Variants in ANKRD26 observed in about 807,000 individuals in gnomAD.
The protein encoded by ANKRD26 is ankyrin repeat domain-containing protein 26.
ANKRD26 carries 141 observed loss-of-function variants against 208.7 expected under a neutral mutation model. The observed-to-expected ratio is 0.68, with a 90% confidence interval of 0.59 to 0.78. The LOEUF (loss-of-function observed/expected upper bound fraction) is 0.78. Ranked by LOEUF, ANKRD26 falls within the 30% of genes least tolerant of loss-of-function variation. The pLI is 0.00. For synonymous variants in ANKRD26, 636 were observed against 660.4 expected, an observed-to-expected ratio of 0.96 and a Z score of 0.57; for missense variants, 1,889 against 1,938.7, an observed-to-expected ratio of 0.97 and a Z score of 0.48.
intron 16 of ANKRD26, chr10:27,051,176 T>G: frequency 7.8e-7 from 1 of 1,290,074 alleles, no homozygotes; most frequent in Non-Finnish European, 1.0e-6. Context: ...GAGATACTTT[T>G]GATGTTCTGT....
intron 9 of ANKRD26, among the ~76,000 whole-genome samples, chr10:27,068,087 T>C (rs1175706053): frequency 1.3e-5 from 2 of 152,180 alleles, no homozygotes; most frequent in African/African-American, 2.4e-5. Context: ...TACTATGAGG[T>C]AGACCCAGTG....
downstream of ANKRD26, among the ~76,000 whole-genome samples, chr10:26,989,381 T>A (rs1043173905): frequency 7.9e-5 from 12 of 152,240 alleles, no homozygotes; most frequent in African/African-American, 2.2e-4. Flanking sequence ...CAAGACTTTT[T>A]AAAATTTGTT....
chr10:26,972,556 A>ATTTGTTC (rs2052165176), downstream of ANKRD26, among the ~76,000 whole-genome samples: 1 of 140,678 alleles, frequency 7.1e-6, no homozygotes, highest in African/African-American at 2.6e-5. Flanking sequence ...ATAACCAACC[A>ATTTGTTC]TTTGTTCTTT....
At chr10:27,042,018 C>T (rs1364990266) in intron 20 of ANKRD26, among the ~76,000 whole-genome samples, 1 of 151,688 alleles carries the variant, frequency 6.6e-6, no homozygotes, top group East Asian at 1.9e-4. Flanking sequence ...CCTAAAGCAA[C>T]CACTAAGATA....
At chr10:26,958,980 T>C in the ANKRD26 span, among the ~76,000 whole-genome samples, 2 of 152,190 alleles carry the variant, frequency 1.3e-5, no homozygotes, top group Admixed American at 6.5e-5. Flanking sequence ...GAGTGTTTAG[T>C]AATAGGCATT....
chr10:27,003,612 A>G (rs1369329419), downstream of ANKRD26, among the ~76,000 whole-genome samples: 1 of 152,158 alleles, frequency 6.6e-6, no homozygotes, highest in Non-Finnish European at 1.5e-5. Flanking sequence ...CAACAAATCA[A>G]ATAATCAAAG....
At chr10:26,992,469 TACACACACACACACAC>T (rs61459601) in intron 5 of ANKRD26, among the ~76,000 whole-genome samples, 43 of 136,392 alleles carry the variant, frequency 3.2e-4, no homozygotes, top group African/African-American at 1.0e-3. Flanking sequence ...TACACACACG[TACACACACACACACAC>T]ACACACACAC....
chr10:27,042,151 C>T (rs1171610946), intron 20 of ANKRD26, among the ~76,000 whole-genome samples: 2 of 151,980 alleles, frequency 1.3e-5, no homozygotes, highest in African/African-American at 4.8e-5. Context: ...ACCACATGTA[C>T]GCAGCCAACA....
chr10:26,993,890 G>A (rs1342849979), intron 5 of ANKRD26, among the ~76,000 whole-genome samples: 1 of 152,150 alleles, frequency 6.6e-6, no homozygotes, highest in Non-Finnish European at 1.5e-5. Flanking sequence ...GTAGAAACAG[G>A]TTTGTTTCAT....
At chr10:27,086,449 A>G in intron 5 of ANKRD26, 90 bp downstream of exon 5, 1 of 1,529,364 alleles carries the variant, frequency 6.5e-7, no homozygotes, top group Non-Finnish European at 8.9e-7. Flanking sequence ...CTGATTTTTA[A>G]AACTGCTTTT....
the ANKRD26 span, among the ~76,000 whole-genome samples, chr10:26,958,909 T>C: frequency 6.6e-6 from 1 of 152,200 alleles, no homozygotes; most frequent in Non-Finnish European, 1.5e-5. Context: ...ATAGTTGAAG[T>C]ATTGACACTT....
Position 27,029,478 on chromosome 10 carries a change from T to C in ANKRD26, c.3808-122A>G, listed in dbSNP as rs1474000153. 5 of 911,808 alleles carry C rather than the reference T, an allele frequency of 5.5e-6. No individual in the cohort carries two copies. In the South Asian group the frequency reaches 5.7e-5, roughly 10 times the overall value. 56.5% of individuals were successfully genotyped at this position (911,808 alleles called of 1,614,324 possible). ...ATACCCCTTCAATATGCATATTGTT[T>C]ATGGCTACTTTTGTGCTGTGACTGT... is the stretch of plus-strand genomic sequence containing the variant. On this transcript the variant is annotated intron_variant, in intron 25 of 33. Coordinates refer to ENST00000376087, the MANE Select transcript of ANKRD26 (RefSeq NM_014915.3).
At chr10:26,973,250 T>C (rs186325183), downstream of ANKRD26, among the ~76,000 whole-genome samples, 1 of 152,330 alleles carries the variant, frequency 6.6e-6, no homozygotes, top group African/African-American at 2.4e-5. Flanking sequence ...CAAAACTCTA[T>C]AAATGCTTGC....
chr10:27,077,724 T>TA (rs746837296), intron 7 of ANKRD26, 31 bp from the exon 8 acceptor site: 25 of 1,564,184 alleles, frequency 1.6e-5, no homozygotes, highest in Non-Finnish European at 2.2e-5. Context: ...TAACAAGTTT[T>TA]AAAAAAACAA....
At chr10:26,971,639 G>A (rs2052143868), downstream of ANKRD26, among the ~76,000 whole-genome samples, 2 of 141,508 alleles carry the variant, frequency 1.4e-5, no homozygotes, top group Admixed American at 1.5e-4. Context: ...CCACACCACT[G>A]CACTCCAGCC....
the ANKRD26 span, among the ~76,000 whole-genome samples, chr10:26,963,129 T>C: frequency 1.3e-5 from 2 of 152,218 alleles, no homozygotes; most frequent in Non-Finnish European, 2.9e-5. Context: ...AATCAGCTCA[T>C]TTCCAGATGG....
Position 27,044,191 on chromosome 10 carries a change from C to T in ANKRD26, c.1986-1G>A. 1 of 1,409,668 alleles carries T rather than the reference C, an allele frequency of 7.1e-7. No homozygotes were observed. Among genetic ancestry groups the T allele is most frequent in the Non-Finnish European group, 9.6e-7 (1 of 1,039,664 alleles). 87.3% of individuals were successfully genotyped at this position (1,409,668 alleles called of 1,614,324 possible). A position where few individuals can be genotyped will look rare whatever the true frequency, so the allele number is the denominator to read the frequency against. On this transcript the variant is annotated splice_acceptor_variant, in intron 18 of 33. Transcript: ENST00000376087. LOFTEE classifies it high-confidence loss of function. ...TTCATTAGATGTTTTCTTAGTAGGC[C>T]TAAAAAAAAAAAATACCTTTCAGGC...
At chr10:27,006,152 G>GTCAATAACGTAGGCTT (rs1308131188) in intron 33 of ANKRD26, among the ~76,000 whole-genome samples, 1 of 152,196 alleles carries the variant, frequency 6.6e-6, no homozygotes, top group Admixed American at 6.5e-5. Flanking sequence ...CCAGTTCTGA[G>GTCAATAACGTAGGCTT]TCAATAACGT....
At chr10:27,072,646 C>A (rs972404007) in intron 9 of ANKRD26, among the ~76,000 whole-genome samples, 2 of 152,198 alleles carry the variant, frequency 1.3e-5, no homozygotes, top group Non-Finnish European at 2.9e-5. Flanking sequence ...GCAAGCGCCA[C>A]CTCCTGGCTA....
Sources: allele counts gnomAD v4.1 joint callset (sites outside exome capture counted in the v4.1 genomes callset), GRCh38; gene constraint gnomAD v4.1.1; transcripts MANE v1.5; gene names NCBI Gene and HGNC (gene_info 2026-07-23, HGNC 2026-07-21).